Variants in CDK6 observed in about 807,000 individuals in gnomAD.
CDK6 encodes cyclin-dependent kinase 6.
A neutral mutation model predicts 37.1 loss-of-function variants in CDK6; 6 were observed. The ratio of observed to expected loss-of-function variants is 0.16; its 90% CI spans 0.09 to 0.32. The LOEUF (loss-of-function observed/expected upper bound fraction) is 0.32, where lower values mean the gene tolerates loss of function less well. CDK6 is among the 10% of genes least tolerant of loss of function. The pLI is 1.00. For synonymous variants in CDK6, 160 were observed against 161.3 expected, an observed-to-expected ratio of 0.99 and a Z score of 0.06; for missense variants, 224 against 418.9, an observed-to-expected ratio of 0.53 and a Z score of 4.06.
intron 2 of CDK6, among the ~76,000 whole-genome samples, chr7:92,797,768 G>A (rs1389635479): frequency 6.6e-6 from 1 of 152,188 alleles, no homozygotes; most frequent in African/African-American, 2.4e-5. Context: ...TTTTGAAAAG[G>A]CTAATTGTTA....
chr7:92,757,003 G>T (rs1380273737), intron 3 of CDK6, among the ~76,000 whole-genome samples: 4 of 152,114 alleles, frequency 2.6e-5, no homozygotes, highest in African/African-American at 9.7e-5. Context: ...CACAAAGGAA[G>T]AAGTCATGGA....
At chr7:92,720,698 T>C (rs765328936) in intron 4 of CDK6, among the ~76,000 whole-genome samples, 31 of 152,178 alleles carry the variant, frequency 2.0e-4, no homozygotes, top group Admixed American at 4.6e-4. Context: ...CAGACCCGGG[T>C]GCACAGTGAG....
rs1311096025 is a variant in CDK6 at position 92,607,521 on chromosome 7, C to T, written c.*7619G>A. ...ATATTCAAATCTACTAATCATGTTACAAATGCATGCAGCTTATTTGGGGGC... is the reference window on the plus strand; with the variant it reads ...ATATTCAAATCTACTAATCATGTTATAAATGCATGCAGCTTATTTGGGGGC... On this transcript the variant is annotated 3_prime_UTR_variant, in exon 8 of 8. Transcript: ENST00000424848. 15 of 232,602 alleles carry T rather than the reference C, an allele frequency of 6.4e-5. No individual in the cohort carries two copies. The Admixed American group carries it at 7.9e-4, about 12-fold the overall frequency. The allele number at this position is 232,602 out of a possible 1,614,324, so 14.4% of individuals were successfully genotyped here.
intron 3 of CDK6, among the ~76,000 whole-genome samples, chr7:92,757,487 T>C (rs1799344349): frequency 6.6e-6 from 1 of 152,240 alleles, no homozygotes; most frequent in East Asian, 1.9e-4. Flanking sequence ...CATGATCTTG[T>C]TCATTTTTAT....
chr7:92,746,699 T>G (rs756523905), intron 3 of CDK6, among the ~76,000 whole-genome samples: 1 of 152,174 alleles, frequency 6.6e-6, no homozygotes, highest in Non-Finnish European at 1.5e-5. Flanking sequence ...ATCCCAACAG[T>G]TGGTGTACGA....
At chr7:92,741,241 A>T (rs1798919159) in intron 3 of CDK6, among the ~76,000 whole-genome samples, 1 of 152,228 alleles carries the variant, frequency 6.6e-6, no homozygotes, top group African/African-American at 2.4e-5. Context: ...GCTTGATTCT[A>T]TTCTGACAAA....
At chr7:92,646,363 TG>T (rs1388640868) in intron 5 of CDK6, among the ~76,000 whole-genome samples, 1 of 152,108 alleles carries the variant, frequency 6.6e-6, no homozygotes, top group African/African-American at 2.4e-5. Flanking sequence ...CCAGAATGAT[TG>T]TAAGCACCTG....
In CDK6 at chr7:92,611,945, G is replaced by C. The variant is rs1795571303; in HGVS notation, c.*3195C>G. ...AGCTTTCTTCCAAAACAGGTTCTTT[G>C]CACCTTGAGTTCCCATCCACTTCAA... On this transcript the variant is annotated 3_prime_UTR_variant, in exon 8 of 8. Coordinates refer to ENST00000424848, the MANE Select transcript of CDK6 (RefSeq NM_001145306.2). 4.3e-6 allele frequency: 1 copy of C among 232,742 alleles called. No homozygotes were observed. Among genetic ancestry groups the C allele is most frequent in the Non-Finnish European group, 8.5e-6 (1 of 117,798 alleles). The allele number at this position is 232,742 out of a possible 1,614,324, so 14.4% of individuals were successfully genotyped here. A position where few individuals can be genotyped will look rare whatever the true frequency, so the allele number is the denominator to read the frequency against.
At chr7:92,675,888 T>C (rs992415187) in intron 4 of CDK6, among the ~76,000 whole-genome samples, 1 of 152,142 alleles carries the variant, frequency 6.6e-6, no homozygotes, top group Non-Finnish European at 1.5e-5. Flanking sequence ...GTATTTCTTA[T>C]AATCATTTTA....
rs1799881146 is a variant in CDK6 at position 92,777,506 on chromosome 7, G to T, written c.234-2675C>A. On this transcript the variant is annotated intron_variant, in intron 2 of 7. Transcript: ENST00000424848. ...GGTGACCTGCCCACCTCGGCCTCCT[G>T]AAGTGTTGGGATTACAGGTGTGAGC... Among the ~76,000 whole-genome samples, 4 of 152,194 alleles carry T rather than the reference G, an allele frequency of 2.6e-5. No homozygotes were observed. The South Asian group carries it at 8.3e-4, about 32-fold the overall frequency.
intron 3 of CDK6, among the ~76,000 whole-genome samples, chr7:92,735,119 T>TA (rs1798753879): frequency 6.6e-6 from 1 of 152,194 alleles, no homozygotes; most frequent in South Asian, 2.1e-4. Flanking sequence ...TTTAATTTCA[T>TA]ATGATCATAT....
intron 4 of CDK6, among the ~76,000 whole-genome samples, chr7:92,702,192 T>C (rs901458302): frequency 6.7e-6 from 1 of 149,946 alleles, no homozygotes; most frequent in East Asian, 2.0e-4. Context: ...ATTTCTATCA[T>C]TAAATATGTT....
At chr7:92,727,973 T>C (rs897948972) in intron 3 of CDK6, among the ~76,000 whole-genome samples, 2 of 152,238 alleles carry the variant, frequency 1.3e-5, no homozygotes, top group East Asian at 3.8e-4. Flanking sequence ...TCCTGTTGGC[T>C]CATCATCTTT....
chr7:92,631,652 G>A, intron 5 of CDK6, among the ~76,000 whole-genome samples: 1 of 152,136 alleles, frequency 6.6e-6, no homozygotes, highest in East Asian at 1.9e-4. Flanking sequence ...TAAATTAATA[G>A]TCTGCAGGAA....
At chr7:92,698,851 G>A (rs564497638) in intron 4 of CDK6, among the ~76,000 whole-genome samples, 2 of 152,106 alleles carry the variant, frequency 1.3e-5, no homozygotes, top group Non-Finnish European at 2.9e-5. Context: ...TGTTATAATA[G>A]ATAAGTAACC....
chr7:92,622,639 G>A (rs1191083023), intron 6 of CDK6, among the ~76,000 whole-genome samples: 1 of 152,138 alleles, frequency 6.6e-6, no homozygotes, highest in Non-Finnish European at 1.5e-5. Context: ...CAACCTGGGT[G>A]ACCAAGGATA....
intron 4 of CDK6, among the ~76,000 whole-genome samples, chr7:92,685,706 G>A (rs1436851169): frequency 2.0e-5 from 3 of 152,144 alleles, no homozygotes; most frequent in Admixed American, 6.5e-5. Context: ...GGTAAATCAG[G>A]AGAGACAGAG....
At chr7:92,755,940 C>G (rs1002579076) in intron 3 of CDK6, among the ~76,000 whole-genome samples, 1 of 152,058 alleles carries the variant, frequency 6.6e-6, no homozygotes, top group Non-Finnish European at 1.5e-5. Context: ...AGTGCACATA[C>G]AAACACACAC....
rs569066776 is a variant in CDK6 at position 92,745,422 on chromosome 7, C to T, written c.370-19629G>A. Among the ~76,000 whole-genome samples the T allele has an allele frequency of 5.3e-5, 8 of 152,228 alleles. No homozygotes were observed. In the South Asian group the frequency reaches 1.2e-3, roughly 24 times the overall value. On this transcript the variant is annotated intron_variant, in intron 3 of 7. Coordinates refer to ENST00000424848, the MANE Select transcript of CDK6 (RefSeq NM_001145306.2). ...GAGCAGTAGAACTCTACTATGACCT[C>T]GAGGATTTTCATGCCTGCCATTGAG...
Sources: gnomAD v4.1 joint callset for allele counts (sites outside exome capture counted in the v4.1 genomes callset) on GRCh38, gnomAD v4.1.1 for gene constraint, MANE v1.5 for transcripts, NCBI Gene and HGNC (gene_info 2026-07-23, HGNC 2026-07-21) for gene names.